Variants in ZNF414 observed in about 807,000 individuals in gnomAD.
ZNF414 encodes zinc finger protein 414.
Under a neutral mutation model 38.3 loss-of-function variants are expected in ZNF414, and 32 were observed. The observed-to-expected ratio is 0.83, with a 90% CI of 0.63 to 1.12. The LOEUF is 1.12. Among genes scored for constraint, ZNF414 ranks in the 50% most tolerant of loss-of-function variants. The probability of loss-of-function intolerance (pLI) is 0.00; values close to 1 mark genes in which losing one functional copy is unlikely to be tolerated. For missense variants in ZNF414, 589 were observed against 557.4 expected (o/e 1.06, Z -0.57); for synonymous variants, 256 against 248.0 (o/e 1.03, Z -0.30).
chr19:8,513,400 C>T, intron 1 of ZNF414, 59 bp from the exon 2 acceptor site: 7 of 1,483,608 alleles, frequency 4.7e-6, no homozygotes, highest in Non-Finnish European at 6.2e-6. Context: ...CCAGTCGGCC[C>T]CCATCCTAAG....
chr19:8,511,070 G>T (rs1294444605), intron 6 of ZNF414, 46 bp from the exon 7 acceptor site: 1 of 1,284,944 alleles, frequency 7.8e-7, no homozygotes, highest in East Asian at 3.1e-5. Flanking sequence ...CCCCAGCCCA[G>T]AAGACCCGTG....
At chr19:8,511,225 A>G in intron 6 of ZNF414, 3 of 1,338,046 alleles carry the variant, frequency 2.2e-6, no homozygotes, top group Non-Finnish European at 1.9e-6. Context: ...GTCCCCTACT[A>G]TCATCCCCAG....
At position 8,514,123 on chromosome 19, in the gene ZNF414, C is replaced by T. The variant is rs537666484; in HGVS notation, c.-77G>A. The T allele has an allele frequency of 9.3e-6, 13 of 1,395,608 alleles. No individual in the cohort carries two copies. The Admixed American group carries it at 2.0e-4, about 21-fold the overall frequency. The allele number at this position is 1,395,608 out of a possible 1,614,324, so 86.5% of individuals were successfully genotyped here. A position where few individuals can be genotyped will look rare whatever the true frequency, so the allele number is the denominator to read the frequency against. On this transcript the variant is annotated 5_prime_UTR_variant, in exon 1 of 8. Coordinates refer to ENST00000393927, the MANE Select transcript of ZNF414 (RefSeq NM_001146175.2). Reference sequence around the variant, plus strand: ...GGCGGCGGCCACCCTCTGGGCAGTGCGAGTTCGCGCTCACGTCAGCGCCAT... The same window carrying T: ...GGCGGCGGCCACCCTCTGGGCAGTGTGAGTTCGCGCTCACGTCAGCGCCAT...
intron 1 of ZNF414, 135 bp downstream of exon 1, chr19:8,513,909 C>T: frequency 8.8e-7 from 1 of 1,135,798 alleles, no homozygotes; most frequent in Non-Finnish European, 1.2e-6. Flanking sequence ...GTAGGGCGCT[C>T]TCCGAGTGAC....
intron 6 of ZNF414, 109 bp downstream of exon 6, chr19:8,511,377 T>C (rs1971910362): frequency 1.3e-6 from 2 of 1,499,338 alleles, no homozygotes; most frequent in Non-Finnish European, 1.8e-6. Context: ...GTGGCATTTG[T>C]GCCCCCTGGG....
rs1599890057 is a variant in ZNF414, at chr19:8,510,783, G to T, written c.1100-19C>A. The T allele has an allele frequency of 6.5e-7, 1 of 1,536,664 alleles. No individual in the cohort carries two copies. The stretch of plus-strand genomic sequence containing the variant: ...GCCGGATCTGGGTGGGGCAGAGGAG[G>T]GGGGCGCCTGAGCCTCAGCGCCTTG... On this transcript the variant is annotated intron_variant, in intron 7 of 7. Transcript: ENST00000393927.
At chr19:8,511,127 G>GC (rs897587297) in intron 6 of ZNF414, 103 bp from the exon 7 acceptor site, 2 of 1,271,754 alleles carry the variant, frequency 1.6e-6, no homozygotes, top group East Asian at 3.2e-5. Flanking sequence ...ACTTTTTCCC[G>GC]CCCCCCATCA....
rs1297603470 is a variant in ZNF414, at chr19:8,514,090, G to A, written c.-44C>T. ...TCTTGTTTCTGCGGCTCCGGCGGCT[G>A]CAGCTTAGGCGGCGGCCACCCTCTG... is the stretch of plus-strand genomic sequence containing the variant. On this transcript the variant is annotated 5_prime_UTR_variant, in exon 1 of 8. Transcript: ENST00000393927. The A allele has an allele frequency of 6.8e-6, 10 of 1,460,464 alleles. No homozygotes were observed. Among genetic ancestry groups the A allele is most frequent in the Admixed American group, 4.9e-5 (2 of 40,528 alleles). The allele number at this position is 1,460,464 out of a possible 1,614,324, so 90.5% of individuals were successfully genotyped here. A position where few individuals can be genotyped will look rare whatever the true frequency, so the allele number is the denominator to read the frequency against.
At chr19:8,512,997 G>T in intron 2 of ZNF414, 32 bp downstream of exon 2, 1 of 1,437,452 alleles carries the variant, frequency 7.0e-7, no homozygotes, top group South Asian at 1.5e-5. Context: ...TTCAGGGACT[G>T]TGATTCCCCA....
rs1599889474 is a variant in ZNF414 at position 8,509,966 on chromosome 19, T to G, written c.*725A>C. The stretch of plus-strand genomic sequence containing the variant: ...TCCCAAAGTGCTGGGATTACAGGCG[T>G]GAGCCACTGTGCCCGGCCGGGACTT... On this transcript the variant is annotated 3_prime_UTR_variant, in exon 8 of 8. Transcript: ENST00000393927. 1 of 151,830 alleles carries G rather than the reference T, an allele frequency of 6.6e-6. No homozygotes were observed. Among genetic ancestry groups the G allele is most frequent in the Non-Finnish European group, 1.5e-5 (1 of 67,908 alleles). 9.4% of individuals were successfully genotyped at this position (151,830 alleles called of 1,614,324 possible).
In ZNF414 at chr19:8,510,920, G is replaced by A; in HGVS notation, c.1030C>T (p.Leu344=). Residue 344 remains leucine (L), a synonymous_variant, in exon 7 of 8, where the codon CTG becomes TTG. Coordinates refer to ENST00000393927, the MANE Select transcript of ZNF414 (RefSeq NM_001146175.2). ...TASRPAMTLH[L]EDHRPGAPAA... ...GGGGCGCCGGGGCGGTGGTCCTCCA[G>A]GTGCAGGGTCATGGCGGGCCGCGAG... 1.6e-6 allele frequency: 2 copies of A among 1,216,474 alleles called. No individual in the cohort carries two copies. The highest frequency in any genetic ancestry group is 3.9e-5 in the South Asian group (1 of 25,444). The allele number at this position is 1,216,474 out of a possible 1,614,324, so 75.4% of individuals were successfully genotyped here. A position where few individuals can be genotyped will look rare whatever the true frequency, so the allele number is the denominator to read the frequency against.
intron 6 of ZNF414, 96 bp from the exon 7 acceptor site, chr19:8,511,120 T>C: frequency 5.5e-6 from 7 of 1,272,568 alleles, no homozygotes; most frequent in Non-Finnish European, 6.9e-6. Context: ...GGGTGGGACT[T>C]TTTCCCGCCC....
rs913126597 is a variant in ZNF414 at position 8,510,595 on chromosome 19, C to T, written c.*96G>A. ...ACACAGCATAGGCTGGCTCATGGCG[C>T]CTTCTTTATTGTCCACCCCAGCCCC... On this transcript the variant is annotated 3_prime_UTR_variant, in exon 8 of 8. Transcript: ENST00000393927. 1.5e-6 allele frequency: 2 copies of T among 1,367,758 alleles called. No homozygotes were observed. The highest frequency in any genetic ancestry group is 1.5e-5 in the African/African-American group (1 of 68,484). 84.7% of individuals were successfully genotyped at this position (1,367,758 alleles called of 1,614,324 possible). A position where few individuals can be genotyped will look rare whatever the true frequency, so the allele number is the denominator to read the frequency against.
At chr19:8,512,514 G>A (rs1467972998) in intron 3 of ZNF414, 22 bp from the exon 4 acceptor site, 2 of 1,613,788 alleles carry the variant, frequency 1.2e-6, no homozygotes, top group African/African-American at 2.7e-5. Flanking sequence ...GAAGGACAGA[G>A]AAGTGGAGAC....
In ZNF414 at chr19:8,514,124, G is replaced by A. The variant is rs1483870650; in HGVS notation, c.-78C>T. 3 of 1,396,144 alleles carry A rather than the reference G, an allele frequency of 2.1e-6. No individual in the cohort carries two copies. The highest frequency in any genetic ancestry group is 6.5e-5 in the Admixed American group (2 of 30,732). 86.5% of individuals were successfully genotyped at this position (1,396,144 alleles called of 1,614,324 possible). A position where few individuals can be genotyped will look rare whatever the true frequency, so the allele number is the denominator to read the frequency against. ...GCGGCGGCCACCCTCTGGGCAGTGCGAGTTCGCGCTCACGTCAGCGCCATT... is the reference window on the plus strand; with the variant it reads ...GCGGCGGCCACCCTCTGGGCAGTGCAAGTTCGCGCTCACGTCAGCGCCATT... On this transcript the variant is annotated 5_prime_UTR_variant, in exon 1 of 8. Coordinates refer to ENST00000393927, the MANE Select transcript of ZNF414 (RefSeq NM_001146175.2).
At chr19:8,511,320 C>G (rs534594921) in intron 6 of ZNF414, 166 bp downstream of exon 6, 1 of 1,442,084 alleles carries the variant, frequency 6.9e-7, no homozygotes, top group African/African-American at 1.5e-5. Context: ...CAGATGAAGG[C>G]GCAGGTGCCA....
rs1420007571 is a variant in ZNF414, at chr19:8,511,001, C to A, written c.949G>T (p.Val317Leu). The A allele has an allele frequency of 1.6e-6, 2 of 1,276,038 alleles. No homozygotes were observed. 79.0% of individuals were successfully genotyped at this position (1,276,038 alleles called of 1,614,324 possible). A position where few individuals can be genotyped will look rare whatever the true frequency, so the allele number is the denominator to read the frequency against. ...TAGCGGCCGCGTGTGTGCTCCCACA[C>A]GATGCGGCTCGGGGCCGCGTGCCCT... ...PSGHAAPSRIVWEHTRGRYSC... is the reference protein window; with the variant it reads ...PSGHAAPSRILWEHTRGRYSC... The change falls in exon 7 of 8, where the codon GTG becomes TTG. Residue 317 changes from valine to leucine, a missense_variant. Transcript: ENST00000393927.
In ZNF414 at chr19:8,514,148, T is replaced by C. The variant is rs890930362; in HGVS notation, c.-102A>G. On this transcript the variant is annotated 5_prime_UTR_variant, in exon 1 of 8. An upstream start codon of the reference 5' UTR is lost. Coordinates refer to ENST00000393927, the MANE Select transcript of ZNF414 (RefSeq NM_001146175.2). ...CGAGTTCGCGCTCACGTCAGCGCCA[T>C]TTTCCACCTCTCAGCTCTCGCGAGA... 2 of 1,333,866 alleles carry C rather than the reference T, an allele frequency of 1.5e-6. No homozygotes were observed. Among genetic ancestry groups the C allele is most frequent in the African/African-American group, 1.5e-5 (1 of 65,462 alleles). 82.6% of individuals were successfully genotyped at this position (1,333,866 alleles called of 1,614,324 possible).
At position 8,510,193 on chromosome 19, in the gene ZNF414, A is replaced by G. The variant is rs1971893562; in HGVS notation, c.*498T>C. ...TAATCCCAGCTACTTGGGAGGCTGAAGCAGGAGAATGGCGTGAACCCAGGA... is the reference window on the plus strand; with the variant it reads ...TAATCCCAGCTACTTGGGAGGCTGAGGCAGGAGAATGGCGTGAACCCAGGA... On this transcript the variant is annotated 3_prime_UTR_variant, in exon 8 of 8. Transcript: ENST00000393927. 1 of 151,484 alleles carries G rather than the reference A, an allele frequency of 6.6e-6. No individual in the cohort carries two copies. Among genetic ancestry groups the G allele is most frequent in the Non-Finnish European group, 1.5e-5 (1 of 67,906 alleles). The allele number at this position is 151,484 out of a possible 1,614,324, so 9.4% of individuals were successfully genotyped here. A position where few individuals can be genotyped will look rare whatever the true frequency, so the allele number is the denominator to read the frequency against.
Sources: allele counts gnomAD v4.1 joint callset, GRCh38; gene constraint gnomAD v4.1.1; transcripts MANE v1.5; gene names NCBI Gene and HGNC (gene_info 2026-07-23, HGNC 2026-07-21).